Variants in ARMCX4 observed in about 807,000 individuals in gnomAD.
ARMCX4 encodes armadillo repeat containing X-linked 4, also known as armadillo repeat-containing X-linked protein 4.
ARMCX4 carries 3 observed loss-of-function variants against 34.7 expected under a neutral mutation model. That is an observed-to-expected ratio of 0.09 (90% confidence interval 0.04 to 0.22). The LOEUF (loss-of-function observed/expected upper bound fraction) is 0.22. Ranked by LOEUF, ARMCX4 falls within the 10% of genes least tolerant of loss-of-function variation. The pLI is 1.00. For missense variants in ARMCX4, 1,448 were observed against 1,720.8 expected (o/e 0.84, Z 2.81); for synonymous variants, 513 against 632.8 (o/e 0.81, Z 2.84).
intron 2 of ARMCX4, among the ~76,000 whole-genome samples, chrX:101,424,999 G>A (rs1021752730): frequency 2.7e-5 from 3 of 111,970 alleles, no homozygotes; most frequent in Non-Finnish European, 5.6e-5. Flanking sequence ...CAAGCCATGT[G>A]TGGGGATAAG....
At chrX:101,503,656 A>G (rs1190672125) in intron 7 of ARMCX4, among the ~76,000 whole-genome samples, 277 of 110,713 alleles carry the variant, frequency 2.5e-3, no homozygotes, top group Non-Finnish European at 4.0e-3. Context: ...TTGTAAATTT[A>G]TTTGAGTTCA....
intron 11 of ARMCX4, among the ~76,000 whole-genome samples, chrX:101,515,885 C>G (rs1188503323): frequency 1.8e-5 from 2 of 110,591 alleles, no homozygotes; most frequent in African/African-American, 6.6e-5. Context: ...ATTGACTATC[C>G]GTGTTCTCTT....
In ARMCX4 at chrX:101,485,518, G is replaced by T. The variant is rs1381985712; in HGVS notation, c.-449G>T. The T allele has an allele frequency of 3.1e-6, 2 of 636,748 alleles. No individual in the cohort carries two copies. The highest frequency in any genetic ancestry group is 4.9e-5 in the African/African-American group (2 of 40,957). 52.5% of individuals were successfully genotyped at this position (636,748 alleles called of 1,213,427 possible). A position where few individuals can be genotyped will look rare whatever the true frequency, so the allele number is the denominator to read the frequency against. ...TCGGCGGGCTGGCATCGGGCCCGGG[G>T]AAAGCGGAGCAGGTAAGGGCCCTGG... On this transcript the variant is annotated 5_prime_UTR_variant, in exon 1 of 6. Coordinates refer to ENST00000423738, the MANE Select transcript of ARMCX4 (RefSeq NM_001256155.3).
intron 7 of ARMCX4, among the ~76,000 whole-genome samples, chrX:101,504,568 C>A (rs1556014660): frequency 9.1e-6 from 1 of 110,488 alleles, no homozygotes; most frequent in East Asian, 2.8e-4. Flanking sequence ...GCTAGGGTAG[C>A]AGTGGACAAC....
downstream of ARMCX4, among the ~76,000 whole-genome samples, chrX:101,449,407 T>C (rs1159583391): frequency 8.9e-6 from 1 of 112,192 alleles, no homozygotes; most frequent in Non-Finnish European, 1.9e-5. Flanking sequence ...TTCTTTTTTC[T>C]TTTGTCTCCT....
chrX:101,443,122 C>T (rs1342824738), intron 2 of ARMCX4, among the ~76,000 whole-genome samples: 3 of 81,689 alleles, frequency 3.7e-5, no homozygotes, highest in Non-Finnish European at 7.3e-5. Context: ...CAGAGTGAGA[C>T]TCCGTCTCAA....
In ARMCX4 at chrX:101,494,328, G is replaced by T. The variant is rs906735352; in HGVS notation, c.5739G>T (p.Thr1913=). ...LFWAESENSN[T]FRSKSGKDAS... is the part of the protein sequence containing the mutation. ...GGGCTGAGAGTGAGAACAGTAATAC[G>T]TTCAGATCTAAGAGTGGGAAAGATG... is the stretch of plus-strand genomic sequence containing the variant. The change falls in exon 6 of 6, where the codon ACG becomes ACT. Residue 1913 remains threonine (T), a synonymous_variant. Transcript: ENST00000423738. The T allele has an allele frequency of 8.7e-7, 1 of 1,152,820 alleles. No homozygotes were observed. The highest frequency in any genetic ancestry group is 1.8e-5 in the African/African-American group (1 of 55,424).
chrX:101,458,137 A>G (rs966962773), intron 4 of ARMCX4, among the ~76,000 whole-genome samples: 1 of 99,966 alleles, frequency 1.0e-5, no homozygotes, highest in Middle Eastern at 5.3e-3. Context: ...AAGGTGGCCA[A>G]TAAAGATTTT....
Position 101,490,999 on chromosome X carries a change from G to A in ARMCX4, c.2410G>A (p.Ala804Thr), listed in dbSNP as rs782370656. ...TTCCCATTGTGAGACCTTGCCTGGT[G>A]CCAAGAATAAGGTCAGGGGAAATTG... Reference protein sequence around the residue: ...ANSHCETLPGAKNKVRGNWNA... With the variant: ...ANSHCETLPGTKNKVRGNWNA... Residue 804 changes from alanine to threonine, a missense_variant, in exon 6 of 6, where the codon GCC (alanine) becomes ACC (threonine). Physicochemically the swap from Ala to Thr is moderately conservative, Grantham distance 58. This residue lies in a region of ARMCX4 where 1,343 missense variants were observed against 1,540.7 expected (regional missense o/e 0.87). Coordinates refer to ENST00000423738, the MANE Select transcript of ARMCX4 (RefSeq NM_001256155.3). 16 of 1,153,058 alleles carry A rather than the reference G, an allele frequency of 1.4e-5. No homozygotes were observed. The highest frequency in any genetic ancestry group is 1.8e-5 in the Non-Finnish European group (16 of 872,292).
upstream of ARMCX4, among the ~76,000 whole-genome samples, chrX:101,482,239 A>T (rs1207420022): frequency 9.0e-6 from 1 of 111,647 alleles, no homozygotes; most frequent in Non-Finnish European, 1.9e-5. Context: ...ATATAAAAAA[A>T]AATCTCATTT....
intron 4 of ARMCX4, among the ~76,000 whole-genome samples, chrX:101,459,963 A>G (rs1311237870): frequency 8.9e-6 from 1 of 112,663 alleles, no homozygotes; most frequent in Non-Finnish European, 1.9e-5. Context: ...CCCTGCCCCT[A>G]GAGTTTCTGA....
At chrX:101,463,646 G>T (rs1345403098) in intron 4 of ARMCX4, among the ~76,000 whole-genome samples, 1 of 112,000 alleles carries the variant, frequency 8.9e-6, no homozygotes, top group Non-Finnish European at 1.9e-5. Flanking sequence ...GTGGTAGCTT[G>T]GTAGTGATAA....
chrX:101,445,182 C>T (rs183250456), intron 3 of ARMCX4, among the ~76,000 whole-genome samples: 3 of 112,321 alleles, frequency 2.7e-5, no homozygotes, highest in Non-Finnish European at 5.6e-5. Context: ...TATTACTATT[C>T]TTGGCATTCT....
intron 2 of ARMCX4, among the ~76,000 whole-genome samples, chrX:101,430,107 T>C: frequency 8.9e-6 from 1 of 112,015 alleles, no homozygotes; most frequent in South Asian, 3.7e-4. Context: ...ATTACAGACA[T>C]CTGAGTAAAT....
At chrX:101,426,310 A>G (rs1303252743) in intron 2 of ARMCX4, among the ~76,000 whole-genome samples, 1 of 111,814 alleles carries the variant, frequency 8.9e-6, no homozygotes, top group Non-Finnish European at 1.9e-5. Flanking sequence ...AGGCAAGAGC[A>G]TCTCTGTCTT....
intron 11 of ARMCX4, among the ~76,000 whole-genome samples, chrX:101,518,729 A>T (rs186890931): frequency 0.013 from 1,442 of 111,465 alleles, 12 homozygotes; most frequent in Middle Eastern, 0.033. Flanking sequence ...AAAAAGATTT[A>T]AAAAACCCAG....
At chrX:101,448,627 C>T (rs1231490828), downstream of ARMCX4, among the ~76,000 whole-genome samples, 5 of 111,821 alleles carry the variant, frequency 4.5e-5, no homozygotes, top group Non-Finnish European at 7.5e-5. Flanking sequence ...AAGCCCCACT[C>T]TGTTGCCCAA....
At chrX:101,499,954 A>G (rs782145324), downstream of ARMCX4, among the ~76,000 whole-genome samples, 22 of 112,116 alleles carry the variant, frequency 2.0e-4, no homozygotes, top group Non-Finnish European at 3.0e-4. Context: ...TCCACAATAC[A>G]TGGTTTGAAA....
At chrX:101,447,081 A>AG (rs782432946), downstream of ARMCX4, among the ~76,000 whole-genome samples, 101 of 112,213 alleles carry the variant, frequency 9.0e-4, no homozygotes, top group African/African-American at 3.0e-3. Context: ...GTCTCTTTAC[A>AG]GGGCTGCTTG....
Sources: gnomAD v4.1 joint callset for allele counts (sites outside exome capture counted in the v4.1 genomes callset) on GRCh38, gnomAD v4.1.1 for gene constraint, gnomAD v4.1.1 regional missense constraint, MANE v1.5 for transcripts, NCBI Gene and HGNC (gene_info 2026-07-23, HGNC 2026-07-21) for gene names.